Variants in ALOXE3 observed in about 807,000 individuals in gnomAD.
The protein encoded by ALOXE3 is hydroperoxide isomerase ALOXE3.
A neutral mutation model predicts 87.5 loss-of-function variants in ALOXE3; 78 were observed. The ratio of observed to expected loss-of-function variants is 0.89; its 90% CI spans 0.74 to 1.08. The LOEUF (loss-of-function observed/expected upper bound fraction) is 1.08, where lower values mean the gene tolerates loss of function less well. Ranked by LOEUF, ALOXE3 falls within the 50% of genes least tolerant of loss-of-function variation. The pLI is 0.00. For synonymous variants in ALOXE3, 363 were observed against 370.8 expected, an observed-to-expected ratio of 0.98 and a Z score of 0.24; for missense variants, 946 against 912.4, an observed-to-expected ratio of 1.04 and a Z score of -0.47.
At position 8,118,071 on chromosome 17, in the gene ALOXE3, A is replaced by G. The variant is rs371476041; in HGVS notation, c.-81T>C. 16 of 1,573,920 alleles carry G rather than the reference A, an allele frequency of 1.0e-5. No homozygotes were observed. In the African/African-American group the frequency reaches 1.6e-4, roughly 16 times the overall value. On this transcript the variant is annotated 5_prime_UTR_variant, in exon 2 of 16. Coordinates refer to ENST00000448843, the MANE Select transcript of ALOXE3 (RefSeq NM_021628.3). ...GGAGGAGAAGAGCGGCACGCCGGACAGGGCTGGGTTTCTGGGCGGAGGGCT... is the reference window on the plus strand; with the variant it reads ...GGAGGAGAAGAGCGGCACGCCGGACGGGGCTGGGTTTCTGGGCGGAGGGCT...
At chr17:8,114,398 T>C in intron 6 of ALOXE3, 86 bp downstream of exon 6, 1 of 1,575,376 alleles carries the variant, frequency 6.3e-7, no homozygotes, top group African/African-American at 1.4e-5. Context: ...ATACTGGGAA[T>C]AGGGAGAAGG....
chr17:8,100,656 T>G (rs1173440301), intron 15 of ALOXE3, among the ~76,000 whole-genome samples: 1 of 152,230 alleles, frequency 6.6e-6, no homozygotes, highest in Non-Finnish European at 1.5e-5. Context: ...TGGCCCAGGC[T>G]GAAGTGCAGT....
chr17:8,113,318 C>T (rs1980263754), intron 6 of ALOXE3, among the ~76,000 whole-genome samples: 1 of 152,232 alleles, frequency 6.6e-6, no homozygotes, highest in Non-Finnish European at 1.5e-5. Flanking sequence ...CCACCATATC[C>T]AGTTCATAAT....
chr17:8,110,357 C>A, intron 9 of ALOXE3, 28 bp downstream of exon 9: 1 of 1,605,290 alleles, frequency 6.2e-7, no homozygotes, highest in Non-Finnish European at 8.5e-7. Context: ...CCTGAGCCCC[C>A]ATCCCGGGGC....
intron 15 of ALOXE3, among the ~76,000 whole-genome samples, chr17:8,098,228 G>GTTTTTTTTTTTTTTTTTTT: frequency 1.1e-5 from 1 of 88,164 alleles, no homozygotes; most frequent in African/African-American, 3.3e-5. Flanking sequence ...TATACTTTTG[G>GTTTTTTTTTTTTTTTTTTT]TTTTTGTTTT....
chr17:8,103,184 A>G (rs1235447035), intron 15 of ALOXE3, 139 bp downstream of exon 15: 6 of 945,344 alleles, frequency 6.3e-6, no homozygotes, highest in East Asian at 5.3e-5. Context: ...TCATTTTCTG[A>G]AGAAATTGAA....
upstream of ALOXE3, chr17:8,118,856 G>T: frequency 6.5e-7 from 1 of 1,530,676 alleles, no homozygotes; most frequent in South Asian, 1.2e-5. Context: ...GGCCACTAGG[G>T]ACTGGGGAGG....
At chr17:8,107,908 A>G (rs1979533596) in intron 13 of ALOXE3, among the ~76,000 whole-genome samples, 2 of 6,814 alleles carry the variant, frequency 2.9e-4, no homozygotes, top group East Asian at 6.6e-4. Flanking sequence ...AAAGAAAGAA[A>G]GAAAGAAAGA....
At chr17:8,109,412 G>C in intron 11 of ALOXE3, 69 bp from the exon 12 acceptor site, 1 of 1,586,642 alleles carries the variant, frequency 6.3e-7, no homozygotes, top group Non-Finnish European at 8.5e-7. Context: ...GCACGAGATG[G>C]GGCTGGGGAC....
At position 8,110,376 on chromosome 17, in the gene ALOXE3, C is replaced by T. The variant is rs758641318; in HGVS notation, c.1101+9G>A. On this transcript the variant is annotated intron_variant, in intron 9 of 15. Coordinates refer to ENST00000448843, the MANE Select transcript of ALOXE3 (RefSeq NM_021628.3). ...AGCCCCCATCCCGGGGCGGCGGCGC[C>T]GGGCTCACCTGGATGGCCAAGGGCA... is the stretch of plus-strand genomic sequence containing the variant. 1.4e-4 allele frequency: 225 copies of T among 1,604,102 alleles called. No homozygotes were observed. The highest frequency in any genetic ancestry group is 1.8e-4 in the Non-Finnish European group (206 of 1,173,884).
chr17:8,103,072 TTAAC>T (rs1268762234), intron 15 of ALOXE3, among the ~76,000 whole-genome samples: 14 of 152,232 alleles, frequency 9.2e-5, no homozygotes, highest in Admixed American at 9.2e-4. Context: ...AATGTTTGCA[TTAAC>T]ACATGAGTAG....
intron 15 of ALOXE3, among the ~76,000 whole-genome samples, chr17:8,100,943 C>T (rs1978884050): frequency 6.6e-6 from 1 of 152,186 alleles, no homozygotes; most frequent in Admixed American, 6.5e-5. Context: ...GCTGAATCTC[C>T]CTGAACCTCA....
intron 12 of ALOXE3, 55 bp from the exon 13 acceptor site, chr17:8,108,644 A>G (rs764271582): frequency 3.9e-4 from 625 of 1,593,106 alleles, no homozygotes; most frequent in Non-Finnish European, 5.0e-4. Context: ...AGTCCTGGCC[A>G]GGAAACCGAG....
upstream of ALOXE3, chr17:8,118,899 C>G: frequency 6.8e-7 from 1 of 1,474,054 alleles, no homozygotes; most frequent in Non-Finnish European, 8.9e-7. Context: ...CCCGCAGCGG[C>G]CCCGCGCGGC....
intron 15 of ALOXE3, 103 bp from the exon 16 acceptor site, chr17:8,096,909 G>T: frequency 2.3e-6 from 3 of 1,332,078 alleles, no homozygotes; most frequent in Non-Finnish European, 3.2e-6. Context: ...GCTTCTAGTA[G>T]CACAACCCAG....
At chr17:8,106,478 G>C (rs1979319558) in intron 13 of ALOXE3, among the ~76,000 whole-genome samples, 1 of 151,950 alleles carries the variant, frequency 6.6e-6, no homozygotes, top group South Asian at 2.1e-4. Context: ...CCAGGAGTTT[G>C]AGACCAGCCT....
At chr17:8,115,129 G>A (rs773982032) in intron 4 of ALOXE3, 72 bp from the exon 5 acceptor site, 98 of 1,589,258 alleles carry the variant, frequency 6.2e-5, no homozygotes, top group Non-Finnish European at 7.5e-5. Context: ...TTAAAGACAC[G>A]GCTTCAGATT....
rs149190785 is a variant in ALOXE3, at chr17:8,101,475, A to T, written c.1956+1848T>A. Among the ~76,000 whole-genome samples, 70 of 152,238 alleles carry T rather than the reference A, an allele frequency of 4.6e-4. No homozygotes were observed. The East Asian group carries it at 0.01, about 22-fold the overall frequency. Reference sequence around the variant, plus strand: ...TATAAATTTCCAAGTTAAACTTTCTATAGTTTATAGGAGAGAGCCCTCCAC... The same window carrying T: ...TATAAATTTCCAAGTTAAACTTTCTTTAGTTTATAGGAGAGAGCCCTCCAC... On this transcript the variant is annotated intron_variant, in intron 15 of 15. Coordinates refer to ENST00000448843, the MANE Select transcript of ALOXE3 (RefSeq NM_021628.3).
chr17:8,115,604 C>T lies in ALOXE3; in HGVS notation c.434+3G>A. The T allele has an allele frequency of 6.2e-7, 1 of 1,611,870 alleles. No homozygotes were observed. The highest frequency in any genetic ancestry group is 8.5e-7 in the Non-Finnish European group (1 of 1,177,898). ...GAAAGAAGTCAAATTAGGCCACCCT[C>T]ACCGGTAGCATTCTTGTCGGGCCCG... is the stretch of plus-strand genomic sequence containing the variant. On this transcript the variant is annotated splice_donor_region_variant and intron_variant, in intron 4 of 15. Transcript: ENST00000448843.
Sources: allele counts gnomAD v4.1 joint callset (sites outside exome capture counted in the v4.1 genomes callset), GRCh38; gene constraint gnomAD v4.1.1; transcripts MANE v1.5; gene names NCBI Gene and HGNC (gene_info 2026-07-23, HGNC 2026-07-21).